Variants in DUSP5 observed in about 807,000 individuals in gnomAD.
DUSP5 encodes dual specificity phosphatase 5.
In DUSP5, 22 loss-of-function variants were observed where a neutral mutation model predicts 33.6. The ratio of observed to expected loss-of-function variants is 0.66; its 90% CI spans 0.47 to 0.94. The LOEUF (loss-of-function observed/expected upper bound fraction) is 0.94. Among genes scored for constraint, DUSP5 ranks in the 40% least tolerant of loss-of-function variants. DUSP5 has a pLI of 0.00. For missense variants in DUSP5, 551 were observed against 522.1 expected (o/e 1.06, Z -0.54); for synonymous variants, 270 against 231.1 (o/e 1.17, Z -1.53).
chr10:110,498,188 T>C lies in DUSP5; in HGVS notation c.67T>C (p.Cys23Arg). The C allele has an allele frequency of 6.7e-7, 1 of 1,498,940 alleles. No homozygotes were observed. The highest frequency in any genetic ancestry group is 8.9e-7 in the Non-Finnish European group (1 of 1,123,616). 92.9% of individuals were successfully genotyped at this position (1,498,940 alleles called of 1,614,324 possible). A position where few individuals can be genotyped will look rare whatever the true frequency, so the allele number is the denominator to read the frequency against. The change falls in exon 1 of 4, where the codon TGC becomes CGC. Residue 23 changes from cysteine (C) to arginine (R), a missense_variant. Around this residue, in one of 3 missense-constraint regions of DUSP5, gnomAD observed 381 missense variants for 310.4 expected, o/e 1.23. Coordinates refer to ENST00000369583, the MANE Select transcript of DUSP5 (RefSeq NM_004419.4). ...KMLRKEAAAR[C>R]VVLDCRPYLA... ...GCTCCGCAAGGAGGCGGCGGCGCGC[T>C]GCGTGGTGCTCGACTGCCGGCCCTA... is the stretch of plus-strand genomic sequence containing the variant.
Position 110,498,190 on chromosome 10 carries a change from C to T in DUSP5, c.69C>T (p.Cys23=), listed in dbSNP as rs1009129282. ...TCCGCAAGGAGGCGGCGGCGCGCTG[C>T]GTGGTGCTCGACTGCCGGCCCTATC... is the stretch of plus-strand genomic sequence containing the variant. ...KMLRKEAAAR[C]VVLDCRPYLA... is the part of the protein sequence containing the mutation. The change falls in exon 1 of 4, where the codon TGC becomes TGT. Residue 23 remains cysteine, a synonymous_variant. Transcript: ENST00000369583. The T allele has an allele frequency of 7.3e-6, 11 of 1,498,900 alleles. No homozygotes were observed. The highest frequency in any genetic ancestry group is 2.0e-5 in the Admixed American group (1 of 51,206). The allele number at this position is 1,498,900 out of a possible 1,614,324, so 92.9% of individuals were successfully genotyped here. A position where few individuals can be genotyped will look rare whatever the true frequency, so the allele number is the denominator to read the frequency against.
rs1221652686 is a variant in DUSP5, at chr10:110,498,404, C to A, written c.283C>A (p.His95Asn). The A allele has an allele frequency of 6.6e-7, 1 of 1,519,060 alleles. No individual in the cohort carries two copies. Among genetic ancestry groups the A allele is most frequent in the Non-Finnish European group, 8.8e-7 (1 of 1,141,402 alleles). The allele number at this position is 1,519,060 out of a possible 1,614,324, so 94.1% of individuals were successfully genotyped here. Reference sequence around the variant, plus strand: ...GGTGGTGCTGGACCAGGGCAGCCGCCACTGGCAGAAGCTGCGAGAGGAGAG... The same window carrying A: ...GGTGGTGCTGGACCAGGGCAGCCGCAACTGGCAGAAGCTGCGAGAGGAGAG... ...AVVVLDQGSRHWQKLREESAA... is the reference protein window; with the variant it reads ...AVVVLDQGSRNWQKLREESAA... The change falls in exon 1 of 4, where the codon CAC (histidine) becomes AAC (asparagine). Residue 95 changes from histidine (H) to asparagine (N), a missense_variant. Physicochemically the swap from His to Asn is moderately conservative, Grantham distance 68. This residue lies in a region of DUSP5 where 381 missense variants were observed against 310.4 expected (regional missense o/e 1.23). Transcript: ENST00000369583.
rs149325838 is a variant in DUSP5 at position 110,498,258 on chromosome 10, A to G, written c.137A>G (p.Asn46Ser). The change falls in exon 1 of 4, where the codon AAC (asparagine) becomes AGC (serine). Residue 46 changes from asparagine to serine, a missense_variant. This residue lies in a region of DUSP5 where 381 missense variants were observed against 310.4 expected (regional missense o/e 1.23). Transcript: ENST00000369583. Reference sequence around the variant, plus strand: ...AACGTGCGCGGCTCGCTCAACGTCAACCTCAACTCGGTGGTGCTGCGGCGG... The same window carrying G: ...AACGTGCGCGGCTCGCTCAACGTCAGCCTCAACTCGGTGGTGCTGCGGCGG... The part of the protein sequence containing the change: ...ASNVRGSLNV[N>S]LNSVVLRRAR... The G allele has an allele frequency of 1.1e-5, 16 of 1,499,114 alleles. No individual in the cohort carries two copies. Among genetic ancestry groups the G allele is most frequent in the East Asian group, 5.7e-5 (2 of 34,872 alleles). The allele number at this position is 1,499,114 out of a possible 1,614,324, so 92.9% of individuals were successfully genotyped here. A position where few individuals can be genotyped will look rare whatever the true frequency, so the allele number is the denominator to read the frequency against.
In DUSP5 at chr10:110,498,143, G is replaced by C; in HGVS notation, c.22G>C (p.Gly8Arg). 6.9e-7 allele frequency: 1 copy of C among 1,450,692 alleles called. No individual in the cohort carries two copies. Among genetic ancestry groups the C allele is most frequent in the Non-Finnish European group, 9.1e-7 (1 of 1,096,298 alleles). 89.9% of individuals were successfully genotyped at this position (1,450,692 alleles called of 1,614,324 possible). The change falls in exon 1 of 4, where the codon GGG becomes CGG. Residue 8 changes from glycine to arginine, a missense_variant. Around this residue, in one of 3 missense-constraint regions of DUSP5, gnomAD observed 381 missense variants for 310.4 expected, o/e 1.23. Coordinates refer to ENST00000369583, the MANE Select transcript of DUSP5 (RefSeq NM_004419.4). ...CGGCATGAAGGTCACGTCGCTCGAC[G>C]GGCGCCAGCTGCGCAAGATGCTCCG... is the stretch of plus-strand genomic sequence containing the variant. MKVTSLD[G>R]RQLRKMLRKE...
intron 3 of DUSP5, among the ~76,000 whole-genome samples, chr10:110,507,482 A>G (rs1053566798): frequency 1.3e-5 from 2 of 152,234 alleles, no homozygotes; most frequent in Non-Finnish European, 2.9e-5. Flanking sequence ...AGCAGGGGGA[A>G]GAACCTCCCT....
intron 2 of DUSP5, among the ~76,000 whole-genome samples, chr10:110,503,832 C>T (rs1015077714): frequency 6.6e-6 from 1 of 152,222 alleles, no homozygotes; most frequent in Non-Finnish European, 1.5e-5. Flanking sequence ...GTGGGAGTAA[C>T]CTTTCAAACT....
chr10:110,510,520 C>A lies in DUSP5; in HGVS notation c.*94C>A. The A allele has an allele frequency of 7.2e-7, 1 of 1,390,344 alleles. No individual in the cohort carries two copies. The highest frequency in any genetic ancestry group is 9.5e-7 in the Non-Finnish European group (1 of 1,053,948). The allele number at this position is 1,390,344 out of a possible 1,614,324, so 86.1% of individuals were successfully genotyped here. On this transcript the variant is annotated 3_prime_UTR_variant, in exon 4 of 4. Coordinates refer to ENST00000369583, the MANE Select transcript of DUSP5 (RefSeq NM_004419.4). ...TTTCATACCTGTGCAATACTGAAGA[C>A]CTCATTCTGTCATGCTGCCCCAGTG... is the stretch of plus-strand genomic sequence containing the variant.
chr10:110,505,329 C>T (rs35332478), intron 2 of DUSP5, among the ~76,000 whole-genome samples: 3,844 of 152,310 alleles, frequency 0.025, 74 homozygotes, highest in Non-Finnish European at 0.038. Context: ...AATAATGTTA[C>T]CTACCTCACA....
chr10:110,507,188 G>T (rs949188094), intron 3 of DUSP5, 34 bp downstream of exon 3: 2 of 1,597,212 alleles, frequency 1.3e-6, no homozygotes. Context: ...GTTATTTTGG[G>T]AGCCCCTTTG....
Position 110,498,387 on chromosome 10 carries a change from T to C in DUSP5, c.266T>C (p.Leu89Pro), listed in dbSNP as rs1859989850. Residue 89 changes from leucine (L) to proline (P), a missense_variant, in exon 1 of 4, where the codon CTG (leucine) becomes CCG (proline). Transcript: ENST00000369583. ...GGGGVAAVVV[L>P]DQGSRHWQKL... ...GGCGGCGTCGCGGCCGTGGTGGTGC[T>C]GGACCAGGGCAGCCGCCACTGGCAG... 6.8e-7 allele frequency: 1 copy of C among 1,480,418 alleles called. No individual in the cohort carries two copies. The highest frequency in any genetic ancestry group is 8.9e-7 in the Non-Finnish European group (1 of 1,120,096). The allele number at this position is 1,480,418 out of a possible 1,614,324, so 91.7% of individuals were successfully genotyped here.
intron 3 of DUSP5, among the ~76,000 whole-genome samples, chr10:110,509,042 G>T (rs1342888317): frequency 6.6e-6 from 1 of 152,198 alleles, no homozygotes; most frequent in African/African-American, 2.4e-5. Flanking sequence ...ATTGTAGCCT[G>T]CGTAGTGCCA....
intron 3 of DUSP5, 80 bp from the exon 4 acceptor site, chr10:110,509,940 C>G: frequency 6.6e-7 from 1 of 1,506,470 alleles, no homozygotes; most frequent in Non-Finnish European, 8.9e-7. Context: ...CTAGGTTACT[C>G]CAGTGTTTGA....
chr10:110,506,264 T>G (rs1860117345), intron 2 of DUSP5, among the ~76,000 whole-genome samples: 1 of 152,006 alleles, frequency 6.6e-6, no homozygotes, highest in Admixed American at 6.5e-5. Flanking sequence ...AACTCATCTC[T>G]ACCAAAAAAA....
chr10:110,504,061 T>TA lies in DUSP5; in HGVS notation c.528+1193dup, dbSNP rs758366906. Among the ~76,000 whole-genome samples, 13 of 152,378 alleles carry TA rather than the reference T, an allele frequency of 8.5e-5. No individual in the cohort carries two copies. The East Asian group carries it at 2.3e-3, about 27-fold the overall frequency. On this transcript the variant is annotated intron_variant, in intron 2 of 3. Coordinates refer to ENST00000369583, the MANE Select transcript of DUSP5 (RefSeq NM_004419.4). ...TTTGTTTTCCTTTAATAAACATCCT[T>TA]ACAGTATATGACGAGCCTGTGGCTT...
chr10:110,506,495 A>G (rs1860121415), intron 2 of DUSP5, among the ~76,000 whole-genome samples: 1 of 152,168 alleles, frequency 6.6e-6, no homozygotes, highest in Non-Finnish European at 1.5e-5. Flanking sequence ...GACACACACC[A>G]TGTTGAGTCC....
chr10:110,498,559 GC>G, intron 1 of DUSP5, 59 bp downstream of exon 1: 2 of 1,371,044 alleles, frequency 1.5e-6, no homozygotes, highest in Non-Finnish European at 1.9e-6. Context: ...TCCCCTCCCT[GC>G]GCCGGGGCGC....
In DUSP5 at chr10:110,498,178, G is replaced by C. The variant is rs137993033; in HGVS notation, c.57G>C (p.Ala19=). Reference sequence around the variant, plus strand: ...TGCGCAAGATGCTCCGCAAGGAGGCGGCGGCGCGCTGCGTGGTGCTCGACT... The same window carrying C: ...TGCGCAAGATGCTCCGCAAGGAGGCCGCGGCGCGCTGCGTGGTGCTCGACT... ...RQLRKMLRKE[A]AARCVVLDCR... The change falls in exon 1 of 4, where the codon GCG becomes GCC. Residue 19 remains alanine, a synonymous_variant. Coordinates refer to ENST00000369583, the MANE Select transcript of DUSP5 (RefSeq NM_004419.4). 5.2e-4 allele frequency: 779 copies of C among 1,494,946 alleles called. 4 individuals carry two copies. Among genetic ancestry groups the C allele is most frequent in the Middle Eastern group, 3.5e-4 (2 of 5,676 alleles). The allele number at this position is 1,494,946 out of a possible 1,614,324, so 92.6% of individuals were successfully genotyped here.
chr10:110,509,413 G>C (rs1437754551), intron 3 of DUSP5, among the ~76,000 whole-genome samples: 1 of 152,202 alleles, frequency 6.6e-6, no homozygotes, highest in Non-Finnish European at 1.5e-5. Context: ...TGTGTGTTTG[G>C]TGGTGAGAAC....
chr10:110,500,685 G>A (rs1860034496), intron 1 of DUSP5, among the ~76,000 whole-genome samples: 1 of 152,194 alleles, frequency 6.6e-6, no homozygotes, highest in Admixed American at 6.5e-5. Flanking sequence ...TGGTGATGTG[G>A]TGGTGATTGA....
Sources: allele counts gnomAD v4.1 joint callset (sites outside exome capture counted in the v4.1 genomes callset), GRCh38; gene constraint gnomAD v4.1.1; regional missense constraint gnomAD v4.1.1; transcripts MANE v1.5; gene names NCBI Gene and HGNC (gene_info 2026-07-23, HGNC 2026-07-21).